RGS7: variants seen among roughly 807,000 people sequenced by gnomAD.
RGS7 encodes regulator of G protein signaling 7.
RGS7 carries 27 observed loss-of-function variants against 81.1 expected under a neutral mutation model. That is an observed-to-expected ratio of 0.33 (90% CI 0.25 to 0.46). The LOEUF is 0.46. RGS7 is among the 20% of genes least tolerant of loss of function. The pLI is 1.00. For synonymous variants in RGS7, 208 were observed against 207.7 expected (o/e 1.00, Z -0.01); for missense variants, 396 against 607.4 (o/e 0.65, Z 3.66).
At chr1:240,777,462 A>G (rs1683166767) in intron 18 of RGS7, among the ~76,000 whole-genome samples, 1 of 152,336 alleles carries the variant, frequency 6.6e-6, no homozygotes, top group Non-Finnish European at 1.5e-5. Flanking sequence ...TTAGTAATAA[A>G]TCACAGTCAT....
chr1:241,032,081 T>C (rs1212768717), intron 3 of RGS7, among the ~76,000 whole-genome samples: 1 of 152,250 alleles, frequency 6.6e-6, no homozygotes, highest in African/African-American at 2.4e-5. Flanking sequence ...TTTCCCCAGG[T>C]TTACTTCTAG....
At chr1:240,817,739 A>G (rs1227672667) in intron 10 of RGS7, among the ~76,000 whole-genome samples, 2 of 152,108 alleles carry the variant, frequency 1.3e-5, no homozygotes, top group East Asian at 1.9e-4. Flanking sequence ...AGTAGCTGAG[A>G]TTACAGGCAC....
intron 9 of RGS7, among the ~76,000 whole-genome samples, chr1:240,865,964 C>A (rs537020808): frequency 6.6e-6 from 1 of 152,158 alleles, no homozygotes; most frequent in South Asian, 2.1e-4. Flanking sequence ...AGTAAGGACC[C>A]AAAAGACTAA....
At chr1:241,198,996 G>A (rs930728551) in intron 2 of RGS7, among the ~76,000 whole-genome samples, 8 of 152,086 alleles carry the variant, frequency 5.3e-5, no homozygotes, top group African/African-American at 1.7e-4. Context: ...AGCCTAGTTC[G>A]GTTTATTCCA....
At position 241,048,097 on chromosome 1, in the gene RGS7, G is replaced by A. The variant is rs117121295; in HGVS notation, c.175+50569C>T. 1.3e-4 allele frequency among the ~76,000 whole-genome samples: 19 copies of A among 150,870 alleles called. No individual in the cohort carries two copies. In the East Asian group the frequency reaches 3.7e-3, roughly 30 times the overall value. ...TAGATGTGTATGTATGTATGGCGGG[G>A]TCACGGGCATTATTACCAAGTTTAA... On this transcript the variant is annotated intron_variant, in intron 3 of 18. Coordinates refer to ENST00000440928, the MANE Select transcript of RGS7 (RefSeq NM_001364886.1).
At chr1:241,321,227 G>C (rs2081192408) in intron 2 of RGS7, among the ~76,000 whole-genome samples, 1 of 152,130 alleles carries the variant, frequency 6.6e-6, no homozygotes, top group Non-Finnish European at 1.5e-5. Context: ...GGATTCCATT[G>C]TTGTGGACTA....
chr1:241,137,505 A>C (rs1054833904), intron 2 of RGS7, among the ~76,000 whole-genome samples: 2 of 152,100 alleles, frequency 1.3e-5, no homozygotes, highest in African/African-American at 4.8e-5. Context: ...TGAGCCCCCA[A>C]ATTTTATATT....
downstream of RGS7, among the ~76,000 whole-genome samples, chr1:240,774,768 A>G (rs1682754729): frequency 6.6e-6 from 1 of 152,174 alleles, no homozygotes; most frequent in African/African-American, 2.4e-5. Context: ...AATTTTACTA[A>G]TTACATCACA....
chr1:241,345,835 G>A (rs1159422930), intron 2 of RGS7, among the ~76,000 whole-genome samples: 1 of 152,010 alleles, frequency 6.6e-6, no homozygotes, highest in Non-Finnish European at 1.5e-5. Flanking sequence ...GGCCAACACG[G>A]TGAAACCCCA....
intron 6 of RGS7, among the ~76,000 whole-genome samples, chr1:240,881,016 G>A (rs1018895251): frequency 6.6e-6 from 1 of 152,052 alleles, no homozygotes; most frequent in African/African-American, 2.4e-5. Context: ...AATATATTTT[G>A]TAATTATATT....
At chr1:241,007,381 C>A (rs759274083) in intron 3 of RGS7, among the ~76,000 whole-genome samples, 1 of 152,032 alleles carries the variant, frequency 6.6e-6, no homozygotes, top group Non-Finnish European at 1.5e-5. Context: ...ATATAATGTA[C>A]AAATATATGT....
intron 2 of RGS7, among the ~76,000 whole-genome samples, chr1:241,261,247 C>T (rs1421110799): frequency 3.9e-5 from 6 of 152,202 alleles, no homozygotes; most frequent in Non-Finnish European, 7.4e-5. Context: ...GCAGTAGCCT[C>T]GGAGTGTCTT....
intron 3 of RGS7, among the ~76,000 whole-genome samples, chr1:241,033,960 C>G (rs1020195478): frequency 6.6e-6 from 1 of 152,040 alleles, no homozygotes; most frequent in Non-Finnish European, 1.5e-5. Flanking sequence ...TGGTGAATCC[C>G]CAAAATGAAG....
At chr1:240,824,644 C>T (rs1692468484) in intron 10 of RGS7, among the ~76,000 whole-genome samples, 1 of 152,206 alleles carries the variant, frequency 6.6e-6, no homozygotes, top group African/African-American at 2.4e-5. Context: ...CAGTGGCAAT[C>T]ACAAGCACGA....
At chr1:240,837,758 T>C (rs994613012) in intron 9 of RGS7, among the ~76,000 whole-genome samples, 1 of 152,168 alleles carries the variant, frequency 6.6e-6, no homozygotes. Context: ...ACAATCTTTA[T>C]TTTTTTACAC....
intron 9 of RGS7, among the ~76,000 whole-genome samples, chr1:240,843,776 A>G (rs949497937): frequency 1.3e-5 from 2 of 152,204 alleles, no homozygotes; most frequent in Non-Finnish European, 2.9e-5. Context: ...TGTCTTTCTC[A>G]GGAAAGAGAA....
chr1:241,327,126 G>GA (rs1333640260), intron 2 of RGS7, among the ~76,000 whole-genome samples: 5 of 106,112 alleles, frequency 4.7e-5, no homozygotes, highest in African/African-American at 1.9e-4. Flanking sequence ...AAGAAAGAAA[G>GA]AAAGAAAGAA....
intron 2 of RGS7, among the ~76,000 whole-genome samples, chr1:241,235,547 T>C (rs1197371767): frequency 6.6e-6 from 1 of 152,240 alleles, no homozygotes; most frequent in Non-Finnish European, 1.5e-5. Context: ...TTTTTCATTC[T>C]GATTGTAGAA....
intron 2 of RGS7, among the ~76,000 whole-genome samples, chr1:241,108,302 CAAA>C (rs34848063): frequency 1.1e-4 from 8 of 70,908 alleles, no homozygotes; most frequent in African/African-American, 2.8e-4. Flanking sequence ...GACTCCGTCT[CAAA>C]AAAAAAAAAA....
Sources: gnomAD v4.1 joint callset for allele counts (sites outside exome capture counted in the v4.1 genomes callset) on GRCh38, gnomAD v4.1.1 for gene constraint, MANE v1.5 for transcripts, NCBI Gene and HGNC (gene_info 2026-07-23, HGNC 2026-07-21) for gene names.